The following GPC6 variants were observed in gnomAD, a reference collection of about 807,000 sequenced individuals.
The protein encoded by GPC6 is glypican-6.
GPC6 carries 14 observed loss-of-function variants against 55.2 expected under a neutral mutation model. That is an observed-to-expected ratio of 0.25 (90% CI 0.17 to 0.40). GPC6 has a LOEUF of 0.40. GPC6 is among the 10% of genes least tolerant of loss of function. The pLI is 1.00. For missense variants in GPC6, 641 were observed against 708.5 expected (o/e 0.90, Z 1.08); for synonymous variants, 278 against 259.6 (o/e 1.07, Z -0.68).
intron 4 of GPC6, among the ~76,000 whole-genome samples, chr13:94,184,661 G>C (rs1339156361): frequency 6.6e-6 from 1 of 152,150 alleles, no homozygotes; most frequent in Admixed American, 6.5e-5. Flanking sequence ...TTGGGCTGCA[G>C]AGAAAAGGAA....
chr13:93,913,184 T>C (rs1877874017), intron 3 of GPC6, among the ~76,000 whole-genome samples: 1 of 152,228 alleles, frequency 6.6e-6, no homozygotes, highest in Admixed American at 6.5e-5. Flanking sequence ...AATTGAAACA[T>C]GATTAAGAAT....
chr13:94,166,551 T>C (rs970336868), intron 4 of GPC6, among the ~76,000 whole-genome samples: 1 of 152,198 alleles, frequency 6.6e-6, no homozygotes, highest in Non-Finnish European at 1.5e-5. Context: ...GGAGAGGTCT[T>C]ATAAATAGCT....
At chr13:93,798,530 G>T (rs1886271099) in intron 2 of GPC6, among the ~76,000 whole-genome samples, 1 of 152,092 alleles carries the variant, frequency 6.6e-6, no homozygotes, top group South Asian at 2.1e-4. Context: ...GCTATGAAGG[G>T]TTATGTGAAT....
intron 4 of GPC6, among the ~76,000 whole-genome samples, chr13:94,130,055 C>A (rs542303215): frequency 6.6e-6 from 1 of 152,024 alleles, no homozygotes; most frequent in African/African-American, 2.4e-5. Context: ...ATATTCATTG[C>A]ATTGATGGAG....
At chr13:94,384,526 C>T (rs1880314462) in intron 7 of GPC6, among the ~76,000 whole-genome samples, 7 of 151,868 alleles carry the variant, frequency 4.6e-5, no homozygotes, top group Admixed American at 4.6e-4. Flanking sequence ...AGTCCATATG[C>T]AATTTCTTAC....
intron 3 of GPC6, among the ~76,000 whole-genome samples, chr13:93,877,864 A>C (rs1047181362): frequency 2.0e-5 from 3 of 152,068 alleles, no homozygotes; most frequent in Admixed American, 1.3e-4. Context: ...ACAGAATAGC[A>C]TGGGGTGTTG....
intron 4 of GPC6, among the ~76,000 whole-genome samples, chr13:94,203,561 C>T (rs1889819531): frequency 6.6e-6 from 1 of 152,002 alleles, no homozygotes; most frequent in Non-Finnish European, 1.5e-5. Flanking sequence ...TATTATAGGG[C>T]TTTTCACTTG....
At chr13:93,644,564 TA>T (rs1880092002) in intron 2 of GPC6, among the ~76,000 whole-genome samples, 1 of 152,164 alleles carries the variant, frequency 6.6e-6, no homozygotes, top group East Asian at 1.9e-4. Flanking sequence ...ACTGCTTCAT[TA>T]AAATAAATGT....
At chr13:93,302,685 A>T (rs1235042437) in intron 1 of GPC6, among the ~76,000 whole-genome samples, 1 of 152,208 alleles carries the variant, frequency 6.6e-6, no homozygotes, top group African/African-American at 2.4e-5. Flanking sequence ...TTTTCAGTGT[A>T]GGTAGAACAC....
At chr13:93,479,475 A>G (rs1317440401) in intron 1 of GPC6, among the ~76,000 whole-genome samples, 2 of 152,128 alleles carry the variant, frequency 1.3e-5, no homozygotes, top group African/African-American at 2.4e-5. Context: ...GTATCTAACA[A>G]TTAGCGCTGT....
intron 1 of GPC6, among the ~76,000 whole-genome samples, chr13:93,350,700 G>A (rs888716432): frequency 3.9e-5 from 6 of 151,980 alleles, no homozygotes; most frequent in Admixed American, 6.6e-5. Flanking sequence ...TATTTTATAC[G>A]AAGACCCAGA....
intron 3 of GPC6, among the ~76,000 whole-genome samples, chr13:93,912,559 C>T (rs563380466): frequency 7.7e-4 from 117 of 152,030 alleles, no homozygotes; most frequent in Admixed American, 1.5e-3. Context: ...CTGGCTAACA[C>T]GGTGAAACCC....
At chr13:93,290,194 A>C (rs1205907308) in intron 1 of GPC6, among the ~76,000 whole-genome samples, 2 of 152,168 alleles carry the variant, frequency 1.3e-5, no homozygotes, top group African/African-American at 2.4e-5. Flanking sequence ...GCCCCAATAA[A>C]GAATGTTTGC....
intron 3 of GPC6, among the ~76,000 whole-genome samples, chr13:93,907,463 G>T (rs12583113): frequency 0.25 from 38,097 of 151,858 alleles, 5,409 homozygotes; most frequent in East Asian, 0.35. Flanking sequence ...ATTGATAAAC[G>T]ATCTGTATTC....
intron 2 of GPC6, among the ~76,000 whole-genome samples, chr13:93,817,969 C>CATAAATATATAAGTATAT (rs1189956202): frequency 4.1e-5 from 6 of 146,716 alleles, no homozygotes; most frequent in African/African-American, 1.5e-4. Flanking sequence ...ATATATAATA[C>CATAAATATATAAGTATAT]ATAAATATAT....
At chr13:93,650,800 G>T (rs1363416169) in intron 2 of GPC6, among the ~76,000 whole-genome samples, 1 of 152,090 alleles carries the variant, frequency 6.6e-6, no homozygotes, top group East Asian at 1.9e-4. Flanking sequence ...CTATATAAAA[G>T]ATGCACAAGT....
intron 1 of GPC6, among the ~76,000 whole-genome samples, chr13:93,380,774 C>G (rs1875131593): frequency 1.3e-5 from 2 of 152,132 alleles, no homozygotes; most frequent in Admixed American, 1.3e-4. Flanking sequence ...CCTGTTCCCT[C>G]TTTATGTTTT....
chr13:93,490,348 G>A (rs1448485083), intron 1 of GPC6, among the ~76,000 whole-genome samples: 1 of 150,790 alleles, frequency 6.6e-6, no homozygotes, highest in Non-Finnish European at 1.5e-5. Context: ...TTATCACACT[G>A]CCAAGGCTTT....
At chr13:93,231,785 C>T (rs1876072729) in intron 1 of GPC6, among the ~76,000 whole-genome samples, 1 of 151,732 alleles carries the variant, frequency 6.6e-6, no homozygotes, top group Non-Finnish European at 1.5e-5. Context: ...TTTATCTCCA[C>T]AGATTAGAAA....
Sources: allele counts gnomAD v4.1 joint callset (sites outside exome capture counted in the v4.1 genomes callset), GRCh38; gene constraint gnomAD v4.1.1; transcripts MANE v1.5; gene names NCBI Gene and HGNC (gene_info 2026-07-23, HGNC 2026-07-21).